Variants in RSU1 observed in about 807,000 individuals in gnomAD.
RSU1 encodes rsu-1.
Under a neutral mutation model 31.1 loss-of-function variants are expected in RSU1, and 26 were observed. The ratio of observed to expected loss-of-function variants is 0.84; its 90% CI spans 0.61 to 1.16. The LOEUF is 1.16. Among genes scored for constraint, RSU1 ranks in the 50% most tolerant of loss-of-function variants. The pLI, the probability that RSU1 is intolerant of heterozygous loss-of-function variation, is 0.00. For synonymous variants in RSU1, 164 were observed against 136.3 expected (o/e 1.20, Z -1.41); for missense variants, 320 against 339.1 (o/e 0.94, Z 0.44).
chr10:16,774,925 C>T (rs1416235860), intron 3 of RSU1, among the ~76,000 whole-genome samples: 4 of 151,830 alleles, frequency 2.6e-5, no homozygotes, highest in Non-Finnish European at 5.9e-5. Flanking sequence ...GCAAATTAGC[C>T]AGGCGTGGTG....
intron 8 of RSU1, among the ~76,000 whole-genome samples, chr10:16,631,216 C>G (rs115360443): frequency 0.016 from 2,478 of 152,252 alleles, 79 homozygotes; most frequent in African/African-American, 0.056. Flanking sequence ...GATGTGAAGG[C>G]AAGCTCTTGC....
At chr10:16,758,917 A>G (rs541993901) in intron 4 of RSU1, among the ~76,000 whole-genome samples, 3 of 152,266 alleles carry the variant, frequency 2.0e-5, no homozygotes, top group East Asian at 3.9e-4. Flanking sequence ...AGTGGTATCA[A>G]TTCTTTTGTT....
intron 2 of RSU1, among the ~76,000 whole-genome samples, chr10:16,784,954 A>G (rs1002849619): frequency 3.7e-4 from 56 of 152,178 alleles, no homozygotes; most frequent in African/African-American, 1.3e-3. Context: ...ACACACTCTT[A>G]AACAACTAGA....
chr10:16,594,743 C>G (rs1432093325), intron 8 of RSU1, among the ~76,000 whole-genome samples: 1 of 142,378 alleles, frequency 7.0e-6, no homozygotes, highest in Non-Finnish European at 1.5e-5. Flanking sequence ...TCATATATAT[C>G]ATATAAAATA....
chr10:16,658,388 C>G (rs571822877), intron 8 of RSU1, among the ~76,000 whole-genome samples: 28 of 152,112 alleles, frequency 1.8e-4, no homozygotes, highest in Non-Finnish European at 3.5e-4. Context: ...GCACATCTAT[C>G]TCAATATTCA....
At chr10:16,728,485 C>A (rs570418560) in intron 7 of RSU1, among the ~76,000 whole-genome samples, 1 of 152,180 alleles carries the variant, frequency 6.6e-6, no homozygotes, top group African/African-American at 2.4e-5. Context: ...GAAGATGACA[C>A]ATAGGCCCAT....
intron 8 of RSU1, among the ~76,000 whole-genome samples, chr10:16,687,882 G>A (rs1430413908): frequency 6.6e-6 from 1 of 151,982 alleles, no homozygotes; most frequent in African/African-American, 2.4e-5. Context: ...ACCATGCCCG[G>A]CTAATTTTTT....
At chr10:16,718,426 T>C (rs1836188181) in intron 7 of RSU1, among the ~76,000 whole-genome samples, 1 of 152,228 alleles carries the variant, frequency 6.6e-6, no homozygotes. Flanking sequence ...TATCATTTTA[T>C]TTGATTATCC....
intron 8 of RSU1, among the ~76,000 whole-genome samples, chr10:16,643,435 T>C (rs1044828801): frequency 6.6e-6 from 1 of 152,206 alleles, no homozygotes; most frequent in African/African-American, 2.4e-5. Flanking sequence ...TTTATAATAA[T>C]GAATGCATGA....
chr10:16,675,997 C>T (rs1437083147), intron 8 of RSU1, among the ~76,000 whole-genome samples: 1 of 152,204 alleles, frequency 6.6e-6, no homozygotes, highest in African/African-American at 2.4e-5. Context: ...TTGGTAAAGA[C>T]TGTCCTGGCC....
intron 7 of RSU1, among the ~76,000 whole-genome samples, chr10:16,697,657 G>C (rs11254158): frequency 4.0e-4 from 59 of 146,904 alleles, no homozygotes; most frequent in African/African-American, 1.5e-3. Context: ...GAGCAAGACT[G>C]TCTTAAAAAA....
At chr10:16,702,587 T>C (rs141876317) in intron 7 of RSU1, among the ~76,000 whole-genome samples, 108 of 152,336 alleles carry the variant, frequency 7.1e-4, no homozygotes, top group Non-Finnish European at 1.4e-3. Flanking sequence ...GTTTTGAACT[T>C]CCATGGGAGC....
At chr10:16,734,537 G>A (rs768459714) in intron 7 of RSU1, among the ~76,000 whole-genome samples, 36 of 152,164 alleles carry the variant, frequency 2.4e-4, no homozygotes, top group Non-Finnish European at 4.3e-4. Context: ...GATGTAAAAT[G>A]TCATATGTGA....
chr10:16,627,965 T>C (rs1339328736), intron 8 of RSU1, among the ~76,000 whole-genome samples: 1 of 151,962 alleles, frequency 6.6e-6, no homozygotes, highest in Non-Finnish European at 1.5e-5. Flanking sequence ...AGCTCCTCCA[T>C]CCAGAGGCGA....
chr10:16,728,550 A>G (rs2131597764), intron 7 of RSU1, among the ~76,000 whole-genome samples: 1 of 152,316 alleles, frequency 6.6e-6, no homozygotes, highest in Admixed American at 6.5e-5. Flanking sequence ...TATGAGGTTC[A>G]TAGGTGTGTT....
At chr10:16,602,406 T>G (rs536872863) in intron 8 of RSU1, among the ~76,000 whole-genome samples, 38 of 152,178 alleles carry the variant, frequency 2.5e-4, no homozygotes, top group Non-Finnish European at 4.3e-4. Context: ...ATGAGGAAAT[T>G]GAGGCTTAGC....
intron 2 of RSU1, among the ~76,000 whole-genome samples, chr10:16,811,855 C>A (rs894442771): frequency 1.3e-5 from 2 of 152,146 alleles, no homozygotes; most frequent in African/African-American, 4.8e-5. Context: ...CAGTAACATT[C>A]CTTCTTCAAT....
intron 7 of RSU1, among the ~76,000 whole-genome samples, chr10:16,702,019 C>T (rs1211302777): frequency 1.3e-5 from 2 of 152,176 alleles, no homozygotes; most frequent in African/African-American, 4.8e-5. Flanking sequence ...CTTGTTTTTC[C>T]TTGCCAGATT....
At chr10:16,778,034 T>C (rs1837571613) in intron 3 of RSU1, among the ~76,000 whole-genome samples, 1 of 150,690 alleles carries the variant, frequency 6.6e-6, no homozygotes, top group Non-Finnish European at 1.5e-5. Context: ...TTTTTTTTTT[T>C]TTTTGAGATA....
Sources: gnomAD v4.1 joint callset for allele counts (sites outside exome capture counted in the v4.1 genomes callset) on GRCh38, gnomAD v4.1.1 for gene constraint, MANE v1.5 for transcripts, NCBI Gene and HGNC (gene_info 2026-07-23, HGNC 2026-07-21) for gene names.